The following SYNPO variants were observed in gnomAD, a reference collection of about 807,000 sequenced individuals.
SYNPO encodes the protein synaptopodin.
Under a neutral mutation model 49.5 loss-of-function variants are expected in SYNPO, and 19 were observed. The ratio of observed to expected loss-of-function variants is 0.38; its 90% confidence interval spans 0.27 to 0.56. SYNPO has a LOEUF of 0.56. Ranked by LOEUF, SYNPO falls within the 20% of genes least tolerant of loss-of-function variation. The pLI, the probability that SYNPO is intolerant of heterozygous loss-of-function variation, is 0.68. For missense variants in SYNPO, 1,131 were observed against 1,248.3 expected (o/e 0.91, Z 1.42); for synonymous variants, 536 against 548.0 (o/e 0.98, Z 0.31).
In SYNPO at chr5:150,648,942, A is replaced by G. The variant is rs1372467605; in HGVS notation, c.667A>G (p.Ser223Gly). The change falls in exon 2 of 3, where the codon AGT becomes GGT. Residue 223 changes from serine (S) to glycine (G), a missense_variant. Physicochemically the swap from Ser to Gly is moderately conservative, Grantham distance 56 (BLOSUM62 0). This residue lies in a region of SYNPO where 602 missense variants were observed against 720.7 expected (regional missense o/e 0.84). Coordinates refer to ENST00000307662, the MANE Select transcript of SYNPO (RefSeq NM_007286.6). This position sits in a 1 kb window ranked among gnomAD's most constrained non-coding sequence, Gnocchi z 5.0. The stretch of plus-strand genomic sequence containing the variant: ...TGCCACCACGCCCACCAAGGTCTAC[A>G]GTGAGGTCCACTTCACACTGGCCAA... The part of the protein sequence containing the change: ...AAATTPTKVY[S>G]EVHFTLAKPP... 6.2e-7 allele frequency: 1 copy of G among 1,614,254 alleles called. No homozygotes were observed. Among genetic ancestry groups the G allele is most frequent in the South Asian group, 1.1e-5 (1 of 91,086 alleles).
intron 2 of SYNPO, chr5:150,624,711 T>TCCCAGCC (rs1757292416): frequency 4.3e-6 from 2 of 467,340 alleles, no homozygotes; most frequent in Non-Finnish European, 5.6e-6. Context: ...CGCTCCCGGC[T>TCCCAGCC]CCCAGCCCGG....
chr5:150,600,932 G>T (rs1756509785), upstream of SYNPO: 1 of 152,134 alleles, frequency 6.6e-6, no homozygotes, highest in South Asian at 2.1e-4. Flanking sequence ...GACGGCTAAT[G>T]TCTTCAGTAT....
At chr5:150,602,913 G>A (rs1756583258) in intron 1 of SYNPO, among the ~76,000 whole-genome samples, 1 of 152,014 alleles carries the variant, frequency 6.6e-6, no homozygotes, top group Non-Finnish European at 1.5e-5. Flanking sequence ...GATCTGCTAT[G>A]TAGGCCATCT....
upstream of SYNPO, among the ~76,000 whole-genome samples, chr5:150,638,906 G>A (rs1210241522): frequency 6.6e-6 from 1 of 152,218 alleles, no homozygotes; most frequent in Non-Finnish European, 1.5e-5. Context: ...GCAGGAGGGG[G>A]CTTCGTGAGC....
At chr5:150,616,835 C>G (rs2151362622) in intron 1 of SYNPO, among the ~76,000 whole-genome samples, 1 of 152,264 alleles carries the variant, frequency 6.6e-6, no homozygotes, top group African/African-American at 2.4e-5. Flanking sequence ...CATCTACCCC[C>G]TCCTCACCAC....
At chr5:150,643,912 C>G (rs528968399) in intron 1 of SYNPO, among the ~76,000 whole-genome samples, 3 of 151,964 alleles carry the variant, frequency 2.0e-5, no homozygotes, top group Non-Finnish European at 4.4e-5. Flanking sequence ...TGGTGGCTCA[C>G]GCCTGTAATC....
At chr5:150,628,620 A>C (rs1340230268) in intron 2 of SYNPO, among the ~76,000 whole-genome samples, 1 of 152,242 alleles carries the variant, frequency 6.6e-6, no homozygotes, top group Non-Finnish European at 1.5e-5. Context: ...ATCTCTGTTA[A>C]AATAGCGGTC....
At chr5:150,643,784 T>C (rs994580768) in intron 1 of SYNPO, among the ~76,000 whole-genome samples, 16 of 152,068 alleles carry the variant, frequency 1.1e-4, no homozygotes, top group East Asian at 2.0e-4. Context: ...CCACCTGCCT[T>C]GGCCCCCCAA....
In SYNPO at chr5:150,634,660, A is replaced by AT. The variant is rs1561646230; in HGVS notation, c.401-13277dup. ...AAAGTGAGACCTCGTCTGTACAAAA[A>AT]TTTTTTTAAAATTAGCCGGGTGTGG... On this transcript the variant is annotated intron_variant, in intron 2 of 2. Coordinates refer to the SYNPO transcript ENST00000394243. 7.2e-5 allele frequency among the ~76,000 whole-genome samples: 11 copies of AT among 152,002 alleles called. 2 individuals carry two copies.
At chr5:150,603,817 C>T (rs1195796688) in intron 1 of SYNPO, among the ~76,000 whole-genome samples, 2 of 152,232 alleles carry the variant, frequency 1.3e-5, no homozygotes, top group East Asian at 1.9e-4. Context: ...TGGCCCACCT[C>T]TCCTCTGGCC....
rs1333849808 is a variant in SYNPO, at chr5:150,605,632, CAG to C, written c.-266+4447_-266+4448del. 2.0e-5 allele frequency among the ~76,000 whole-genome samples: 3 copies of C among 152,182 alleles called. No individual in the cohort carries two copies. In the East Asian group the frequency reaches 5.8e-4, roughly 29 times the overall value. On this transcript the variant is annotated intron_variant, in intron 1 of 2. Transcript: ENST00000394243. ...CCGGAAAGGAGAGGAAGAAAGCAAACAGAGTCAGGAGAAAAGCCTGGAGCTGC... is the reference window on the plus strand; with the variant it reads ...CCGGAAAGGAGAGGAAGAAAGCAAACAGTCAGGAGAAAAGCCTGGAGCTGC...
chr5:150,636,291 C>T (rs1173939997), upstream of SYNPO, among the ~76,000 whole-genome samples: 1 of 152,170 alleles, frequency 6.6e-6, no homozygotes, highest in Non-Finnish European at 1.5e-5. Context: ...TTCATTATAC[C>T]TCTTTTCCAA....
Position 150,649,447 on chromosome 5 carries a change from C to T in SYNPO, c.1172C>T (p.Pro391Leu). Residue 391 changes from proline to leucine, a missense_variant, in exon 2 of 3, where the codon CCG becomes CTG. Pro to Leu is a moderately conservative substitution (Grantham distance 98, BLOSUM62 -3). Transcript: ENST00000307662. ...TTCGTGGAGAAGCCCAAGGTGACCC[C>T]GAATCCAGACTTGCTGGATCTGGTA... ...FTFVEKPKVTPNPDLLDLVQT... is the reference protein window; with the variant it reads ...FTFVEKPKVTLNPDLLDLVQT... 1.2e-6 allele frequency: 2 copies of T among 1,614,136 alleles called. No individual in the cohort carries two copies. Among genetic ancestry groups the T allele is most frequent in the African/African-American group, 1.3e-5 (1 of 75,042 alleles).
chr5:150,641,545 C>A (rs1757908655), intron 1 of SYNPO, among the ~76,000 whole-genome samples: 1 of 152,190 alleles, frequency 6.6e-6, no homozygotes, highest in Admixed American at 6.5e-5. Flanking sequence ...CCTTCCCCGG[C>A]CCCACCTCCC....
chr5:150,589,007 T>C, the SYNPO span, among the ~76,000 whole-genome samples: 1 of 152,170 alleles, frequency 6.6e-6, no homozygotes, highest in African/African-American at 2.4e-5. Flanking sequence ...TGCTTCCTTT[T>C]TGTAAGTGGT....
chr5:150,651,320 C>T (rs79828852), intron 2 of SYNPO: 17,313 of 1,000,584 alleles, frequency 0.017, 182 homozygotes, highest in Non-Finnish European at 0.018. Flanking sequence ...TTCTCATTTG[C>T]TGTGTGACTT....
upstream of SYNPO, among the ~76,000 whole-genome samples, chr5:150,600,412 C>T (rs1235175076): frequency 6.6e-6 from 1 of 152,244 alleles, no homozygotes; most frequent in Non-Finnish European, 1.5e-5. Context: ...GCCCATCCCC[C>T]AGGCAGGGAA....
At chr5:150,595,981 C>G in the SYNPO span, among the ~76,000 whole-genome samples, 2 of 152,328 alleles carry the variant, frequency 1.3e-5, no homozygotes, top group African/African-American at 2.4e-5. Context: ...AAAAGAGGCC[C>G]GGGCCACAGG....
At position 150,658,952 on chromosome 5, in the gene SYNPO, C is replaced by A. The variant is rs1392189990; in HGVS notation, c.*1865C>A. On this transcript the variant is annotated 3_prime_UTR_variant, in exon 3 of 3. Coordinates refer to ENST00000307662, the MANE Select transcript of SYNPO (RefSeq NM_007286.6). ...AGCACAGGAGACTGGGGCTAAGGGC[C>A]CCTCCCAGGGAAGGGACACCATCAG... 6.6e-6 allele frequency: 1 copy of A among 152,338 alleles called. No homozygotes were observed. The highest frequency in any genetic ancestry group is 2.4e-5 in the African/African-American group (1 of 41,420). The allele number at this position is 152,338 out of a possible 1,614,324, so 9.4% of individuals were successfully genotyped here. A position where few individuals can be genotyped will look rare whatever the true frequency, so the allele number is the denominator to read the frequency against.
Sources: gnomAD v4.1 joint callset for allele counts (sites outside exome capture counted in the v4.1 genomes callset) on GRCh38, gnomAD v4.1.1 for gene constraint, gnomAD v4.1.1 regional missense constraint, Gnocchi (gnomAD v3.1) non-coding constraint, MANE v1.5 for transcripts, NCBI Gene and HGNC (gene_info 2026-07-23, HGNC 2026-07-21) for gene names.